Variants in DEFB104A observed in about 807,000 individuals in gnomAD.
The protein encoded by DEFB104A is beta-defensin 104.
At chr8:7,840,654 G>T (rs1817742499) in intron 1 of DEFB104A, among the ~76,000 whole-genome samples, 1 of 101,710 alleles carries the variant, frequency 9.8e-6, no homozygotes, top group Admixed American at 1.1e-4. Flanking sequence ...AGGGAAGCCG[G>T]CGAGAGTTTC....
At chr8:7,839,252 T>A (rs1157476192) in intron 1 of DEFB104A, among the ~76,000 whole-genome samples, 3 of 144,928 alleles carry the variant, frequency 2.1e-5, no homozygotes, top group African/African-American at 7.4e-5. Context: ...TCTTCTCCCC[T>A]AACGCTAAGC....
intron 1 of DEFB104A, among the ~76,000 whole-genome samples, 157 bp from the exon 2 acceptor site, chr8:7,840,877 T>C (rs1346306875): frequency 6.6e-6 from 1 of 152,034 alleles, no homozygotes; most frequent in East Asian, 1.9e-4. Flanking sequence ...GAAGGTCAAG[T>C]CAATCATCTA....
At chr8:7,837,673 C>G (rs1290432754) in intron 1 of DEFB104A, among the ~76,000 whole-genome samples, 5 of 143,796 alleles carry the variant, frequency 3.5e-5, no homozygotes, top group Non-Finnish European at 6.0e-5. Context: ...TCAGGGATCC[C>G]TCCAGATCCC....
chr8:7,837,447 G>C (rs1473990261), intron 1 of DEFB104A, among the ~76,000 whole-genome samples: 2 of 142,802 alleles, frequency 1.4e-5, no homozygotes. Context: ...TGCCTCCACT[G>C]TGATTCAGAT....
In DEFB104A at chr8:7,838,689, C is replaced by A. The variant is rs1326215418; in HGVS notation, c.58+2147C>A. Among the ~76,000 whole-genome samples, 5 of 13,332 alleles carry A rather than the reference C, an allele frequency of 3.8e-4. 1 individual carries two copies. Among genetic ancestry groups the A allele is most frequent in the Non-Finnish European group, 9.9e-4 (3 of 3,026 alleles). The allele number at this position is 13,332 out of a possible 152,430, so 8.7% of individuals were successfully genotyped here. A position where few individuals can be genotyped will look rare whatever the true frequency, so the allele number is the denominator to read the frequency against. ...AGCAAGACTCTGTCTCAAAAAAAACCAAAAAAACAAACAAAAAAAAAAACA... is the reference window on the plus strand; with the variant it reads ...AGCAAGACTCTGTCTCAAAAAAAACAAAAAAAACAAACAAAAAAAAAAACA... On this transcript the variant is annotated intron_variant, in intron 1 of 1. Coordinates refer to ENST00000314265, the MANE Select transcript of DEFB104A (RefSeq NM_080389.3).
chr8:7,836,973 G>T (rs1322661792), intron 1 of DEFB104A, among the ~76,000 whole-genome samples: 2 of 142,684 alleles, frequency 1.4e-5, no homozygotes, highest in Non-Finnish European at 3.0e-5. Context: ...CACAGAAAAG[G>T]GCGCCTACTC....
intron 1 of DEFB104A, among the ~76,000 whole-genome samples, chr8:7,838,708 A>AAT (rs1817698069): frequency 7.0e-6 from 1 of 142,254 alleles, no homozygotes; most frequent in South Asian, 2.2e-4. Flanking sequence ...AAACAAAAAA[A>AAT]AAAACAAAGC....
chr8:7,838,569 G>A (rs866938464), intron 1 of DEFB104A, among the ~76,000 whole-genome samples: 8,163 of 138,510 alleles, frequency 0.059, 80 homozygotes, highest in African/African-American at 0.22. Flanking sequence ...AATTCCAGCT[G>A]CTCAGGAGGC....
intron 1 of DEFB104A, among the ~76,000 whole-genome samples, chr8:7,837,153 A>G (rs142145250): frequency 0.16 from 21,326 of 135,438 alleles, 1,048 homozygotes; most frequent in East Asian, 0.24. Context: ...TCTGACTCCT[A>G]CGTTAATCTA....
intron 1 of DEFB104A, among the ~76,000 whole-genome samples, chr8:7,839,245 T>C (rs1324448928): frequency 6.9e-6 from 1 of 144,816 alleles, no homozygotes; most frequent in East Asian, 2.0e-4. Flanking sequence ...CTATTCTTCT[T>C]CTCCCCTAAC....
chr8:7,839,127 G>T (rs1408744208), intron 1 of DEFB104A, among the ~76,000 whole-genome samples: 6 of 144,826 alleles, frequency 4.1e-5, no homozygotes, highest in African/African-American at 1.2e-4. Context: ...CGTCAGATTA[G>T]TCACTTTCCT....
At chr8:7,837,061 A>T (rs1817663888) in intron 1 of DEFB104A, among the ~76,000 whole-genome samples, 1 of 141,938 alleles carries the variant, frequency 7.0e-6, no homozygotes, top group Admixed American at 7.3e-5. Context: ...TCAGTAGGCA[A>T]GAACGTAATT....
At chr8:7,836,716 C>G (rs1204888019) in intron 1 of DEFB104A, among the ~76,000 whole-genome samples, 174 bp downstream of exon 1, 11 of 146,564 alleles carry the variant, frequency 7.5e-5, no homozygotes, top group African/African-American at 2.6e-4. Flanking sequence ...ATGTGGCAGT[C>G]CTTGTATGCA....
At position 7,837,037 on chromosome 8, in the gene DEFB104A, G is replaced by C. The variant is rs1343474962; in HGVS notation, c.58+495G>C. Among the ~76,000 whole-genome samples, 5 of 142,118 alleles carry C rather than the reference G, an allele frequency of 3.5e-5. 2 individuals carry two copies. The East Asian group carries it at 1.2e-3, about 33-fold the overall frequency. 93.2% of individuals were successfully genotyped at this position (142,118 alleles called of 152,430 possible). On this transcript the variant is annotated intron_variant, in intron 1 of 1. Transcript: ENST00000314265. ...TCAAGTCAGATGATTAGGGTTAAAG[G>C]GGATGCAGTGATTTCAGTAGGCAAG...
At position 7,841,183 on chromosome 8, in the gene DEFB104A, AC is replaced by A; in HGVS notation, c.209del (p.Thr70LysfsTer7). 3.6e-6 allele frequency: 5 copies of A among 1,400,646 alleles called. No individual in the cohort carries two copies. Among genetic ancestry groups the A allele is most frequent in the Non-Finnish European group, 4.9e-6 (5 of 1,015,372 alleles). 86.8% of individuals were successfully genotyped at this position (1,400,646 alleles called of 1,614,324 possible). ...ATGGGATGAGAGCTTACTGAATCGT[AC>A]AAAACCCTGAAACGCAGTAGTGCTG... ...RKWDESLLNRTKP is the reference protein window; with the variant it reads ...RKWDESLLNRXKP On this transcript the variant is annotated frameshift_variant, in exon 2 of 2. Coordinates refer to ENST00000314265, the MANE Select transcript of DEFB104A (RefSeq NM_080389.3). LOFTEE classifies it high-confidence loss of function.
chr8:7,840,085 C>A (rs1187145824), intron 1 of DEFB104A, among the ~76,000 whole-genome samples: 2 of 152,244 alleles, frequency 1.3e-5, no homozygotes, highest in South Asian at 2.1e-4. Context: ...TCTGGGCCAA[C>A]GGCCGAACAA....
intron 1 of DEFB104A, among the ~76,000 whole-genome samples, chr8:7,837,584 T>C (rs1344879942): frequency 7.1e-6 from 1 of 140,246 alleles, no homozygotes; most frequent in African/African-American, 2.7e-5. Flanking sequence ...TCTGTTAAAA[T>C]ATGATAGCAA....
rs562658495 is a variant in DEFB104A at position 7,836,873 on chromosome 8, C to T, written c.58+331C>T. ...TGAGGACTCACTAGCCATGCTTGTT[C>T]CATTGCAGGGCAACAGCAATTATTC... On this transcript the variant is annotated intron_variant, in intron 1 of 1. Transcript: ENST00000314265. Among the ~76,000 whole-genome samples, 4 of 141,916 alleles carry T rather than the reference C, an allele frequency of 2.8e-5. 1 individual carries two copies. In the East Asian group the frequency reaches 9.5e-4, roughly 34 times the overall value. The allele number at this position is 141,916 out of a possible 152,430, so 93.1% of individuals were successfully genotyped here.
intron 1 of DEFB104A, among the ~76,000 whole-genome samples, chr8:7,838,719 A>C (rs1230707167): frequency 7.0e-6 from 1 of 142,078 alleles, no homozygotes; most frequent in African/African-American, 2.5e-5. Context: ...AAAACAAAGC[A>C]AATCTTACAC....
Sources: allele counts gnomAD v4.1 joint callset (sites outside exome capture counted in the v4.1 genomes callset), GRCh38; gene constraint gnomAD v4.1.1; transcripts MANE v1.5; gene names NCBI Gene and HGNC (gene_info 2026-07-23, HGNC 2026-07-21).